Variants in USP42 observed in about 807,000 individuals in gnomAD.
USP42 encodes ubiquitin carboxyl-terminal hydrolase 42.
A neutral mutation model predicts 113.0 loss-of-function variants in USP42; 23 were observed. The ratio of observed to expected loss-of-function variants is 0.20; its 90% CI spans 0.15 to 0.29. The LOEUF (loss-of-function observed/expected upper bound fraction) is 0.29. Ranked by LOEUF, USP42 falls within the 10% of genes least tolerant of loss-of-function variation. USP42 has a pLI of 1.00. For synonymous variants in USP42, 933 were observed against 699.0 expected, an observed-to-expected ratio of 1.33 and a Z score of -5.28; for missense variants, 2,174 against 1,779.8, an observed-to-expected ratio of 1.22 and a Z score of -3.99.
rs1782212072 is a variant in USP42, at chr7:6,153,803, C to G, written c.2249C>G (p.Pro750Arg). The G allele has an allele frequency of 1.3e-6, 2 of 1,519,954 alleles. No individual in the cohort carries two copies. Among genetic ancestry groups the G allele is most frequent in the Admixed American group, 4.3e-5 (2 of 46,170 alleles). 94.2% of individuals were successfully genotyped at this position (1,519,954 alleles called of 1,614,324 possible). A position where few individuals can be genotyped will look rare whatever the true frequency, so the allele number is the denominator to read the frequency against. ...RGPPEDRDAEPQPGSPAAESL... is the reference protein window; with the variant it reads ...RGPPEDRDAERQPGSPAAESL... ...CCTCCCGAGGACCGCGACGCCGAGC[C>G]TCAGCCTGGCAGCCCCGCCGCCGAA... The change falls in exon 15 of 18, where the codon CCT (proline) becomes CGT (arginine). Residue 750 changes from proline to arginine, a missense_variant. Pro to Arg is a moderately radical substitution (Grantham distance 103, BLOSUM62 -2). Transcript: ENST00000306177.
At chr7:6,114,407 T>G (rs963445272) in intron 2 of USP42, among the ~76,000 whole-genome samples, 5 of 151,928 alleles carry the variant, frequency 3.3e-5, no homozygotes, top group Admixed American at 1.3e-4. Flanking sequence ...GTCAACCAAC[T>G]TTGACATTTA....
In USP42 at chr7:6,154,252, C is replaced by T; in HGVS notation, c.2698C>T (p.Pro900Ser). ...CGCACCCGAGGCCGCAGAGCGGCCG[C>T]CAGCTCCTGTGCTGGACATGGCCCC... ...LGAPEAAERP[P>S]APVLDMAPAG... Residue 900 changes from proline to serine, a missense_variant, in exon 15 of 18, where the codon CCA (proline) becomes TCA (serine). Transcript: ENST00000306177. 1 of 1,604,812 alleles carries T rather than the reference C, an allele frequency of 6.2e-7. No homozygotes were observed. The highest frequency in any genetic ancestry group is 1.1e-5 in the South Asian group (1 of 90,356).
rs1451565663 is a variant in USP42 at position 6,154,410 on chromosome 7, C to T, written c.2856C>T (p.His952=). ...IGSLRKVDRG[H]YRSRRERSSS... ...GCCTCAGAAAGGTGGACCGAGGCCA[C>T]TACCGCAGCCGGAGAGAGCGCTCGT... Residue 952 remains histidine (H), a synonymous_variant, in exon 15 of 18, where the codon CAC becomes CAT. Transcript: ENST00000306177. 1.9e-6 allele frequency: 3 copies of T among 1,576,138 alleles called. No homozygotes were observed. The highest frequency in any genetic ancestry group is 2.6e-6 in the Non-Finnish European group (3 of 1,162,724).
intron 14 of USP42, 129 bp from the exon 15 acceptor site, chr7:6,153,622 TTAAAG>T (rs1254490196): frequency 3.4e-6 from 4 of 1,174,516 alleles, no homozygotes; most frequent in Non-Finnish European, 4.5e-6. Flanking sequence ...AGCCTGAAAC[TTAAAG>T]TATAATAATA....
intron 3 of USP42, among the ~76,000 whole-genome samples, chr7:6,125,478 G>A (rs950839831): frequency 2.0e-5 from 3 of 152,106 alleles, no homozygotes; most frequent in African/African-American, 4.8e-5. Flanking sequence ...CAACAAGAGC[G>A]AAACTCTGTC....
chr7:6,142,477 A>G lies in USP42; in HGVS notation c.796-455A>G, dbSNP rs550740528. ...ATGATCTGCCTGCCTTGGCCTCCCA[A>G]CGTGCTGGGATTACAGGCGTGAGCC... On this transcript the variant is annotated intron_variant, in intron 7 of 17. Coordinates refer to ENST00000306177, the MANE Select transcript of USP42 (RefSeq NM_032172.3). Among the ~76,000 whole-genome samples the G allele has an allele frequency of 6.6e-5, 10 of 152,172 alleles. No homozygotes were observed. The South Asian group carries it at 1.0e-3, about 16-fold the overall frequency.
At chr7:6,105,115 C>T (rs1362611096) in intron 1 of USP42, 83 bp downstream of exon 1, 4 of 146,962 alleles carry the variant, frequency 2.7e-5, no homozygotes, top group African/African-American at 4.9e-5. Context: ...GCCGCTGGCT[C>T]GGCCGCCCCT....
rs1781092941 is a variant in USP42 at position 6,135,643 on chromosome 7, C to A, written c.443-198C>A. On this transcript the variant is annotated intron_variant, in intron 3 of 17. Transcript: ENST00000306177. ...CTCCAGCCTGGGTGACAGAGTGAGACTCCATCTCAAAAAAAAAAAAAAAAA... is the reference window on the plus strand; with the variant it reads ...CTCCAGCCTGGGTGACAGAGTGAGAATCCATCTCAAAAAAAAAAAAAAAAA... Among the ~76,000 whole-genome samples, 4 of 105,570 alleles carry A rather than the reference C, an allele frequency of 3.8e-5. No homozygotes were observed. In the Admixed American group the frequency reaches 4.9e-4, roughly 13 times the overall value. The allele number at this position is 105,570 out of a possible 152,430, so 69.3% of individuals were successfully genotyped here.
intron 3 of USP42, among the ~76,000 whole-genome samples, chr7:6,115,879 A>G (rs1185699537): frequency 1.3e-5 from 2 of 152,110 alleles, no homozygotes; most frequent in Admixed American, 1.3e-4. Context: ...AGAAAGGATC[A>G]CTCGAGCCCA....
At chr7:6,142,434 T>G (rs1016833197) in intron 7 of USP42, among the ~76,000 whole-genome samples, 2 of 152,148 alleles carry the variant, frequency 1.3e-5, no homozygotes, top group African/African-American at 4.8e-5. Flanking sequence ...GCCAGGATGG[T>G]CTGGATCTCC....
At chr7:6,087,056 G>C in the USP42 span, among the ~76,000 whole-genome samples, 1 of 139,108 alleles carries the variant, frequency 7.2e-6, no homozygotes, top group Admixed American at 7.3e-5. Context: ...TTTTGAGACA[G>C]AGTGTCACTC....
chr7:6,122,330 G>A (rs1780272470), intron 3 of USP42, among the ~76,000 whole-genome samples: 2 of 150,198 alleles, frequency 1.3e-5, no homozygotes, highest in African/African-American at 4.9e-5. Flanking sequence ...CTGTTGCCTA[G>A]GCTGGAGTGC....
chr7:6,089,984 G>C, the USP42 span, among the ~76,000 whole-genome samples: 1 of 148,054 alleles, frequency 6.8e-6, no homozygotes, highest in South Asian at 2.1e-4. Flanking sequence ...CTGGGCGACA[G>C]AGCAAGACTC....
At chr7:6,135,564 TGGCTTGGACCCGGGGA>T (rs1781086417) in intron 3 of USP42, among the ~76,000 whole-genome samples, 1 of 135,802 alleles carries the variant, frequency 7.4e-6, no homozygotes, top group African/African-American at 2.8e-5. Context: ...GGCAGGCAAA[TGGCTTGGACCCGGGGA>T]GGCCGAGGTT....
chr7:6,084,091 A>G, the USP42 span, among the ~76,000 whole-genome samples: 5 of 151,210 alleles, frequency 3.3e-5, no homozygotes, highest in African/African-American at 9.9e-5. Context: ...CAGTGGCTCA[A>G]TCTCGGCTCA....
chr7:6,154,386 C>A lies in USP42; in HGVS notation c.2832C>A (p.Ser944Arg), dbSNP rs1031783974. Residue 944 changes from serine to arginine, a missense_variant, in exon 15 of 18, where the codon AGC becomes AGA. Transcript: ENST00000306177. Reference sequence around the variant, plus strand: ...CCCCAGCGAAGGAGAAAATCGGCAGCCTCAGAAAGGTGGACCGAGGCCACT... The same window carrying A: ...CCCCAGCGAAGGAGAAAATCGGCAGACTCAGAAAGGTGGACCGAGGCCACT... The part of the protein sequence containing the change: ...GPSPAKEKIG[S>R]LRKVDRGHYR... 47 of 1,576,508 alleles carry A rather than the reference C, an allele frequency of 3.0e-5. No individual in the cohort carries two copies. Among genetic ancestry groups the A allele is most frequent in the Non-Finnish European group, 3.9e-5 (45 of 1,162,920 alleles).
intron 6 of USP42, 66 bp from the exon 7 acceptor site, chr7:6,140,848 T>G: frequency 1.1e-6 from 1 of 880,150 alleles, no homozygotes; most frequent in Non-Finnish European, 1.8e-6. Context: ...ATTTTGTCAT[T>G]TCAGTAGTTG....
At chr7:6,093,227 C>T in the USP42 span, 2 of 143,122 alleles carry the variant, frequency 1.4e-5, no homozygotes. Flanking sequence ...CTTCCTCCCT[C>T]CCTCCCTCTC....
intron 3 of USP42, among the ~76,000 whole-genome samples, 165 bp from the exon 4 acceptor site, chr7:6,135,676 A>G (rs1197128333): frequency 2.1e-4 from 31 of 146,884 alleles, no homozygotes; most frequent in Non-Finnish European, 4.6e-4. Context: ...AAAAAAAAAA[A>G]AGAACAAAAA....
Sources: gnomAD v4.1 joint callset for allele counts (sites outside exome capture counted in the v4.1 genomes callset) on GRCh38, gnomAD v4.1.1 for gene constraint, MANE v1.5 for transcripts, NCBI Gene and HGNC (gene_info 2026-07-23, HGNC 2026-07-21) for gene names.